The following C12orf42 variants were observed in gnomAD, a reference collection of about 807,000 sequenced individuals.
C12orf42 encodes uncharacterized protein C12orf42.
In C12orf42, 25 loss-of-function variants were observed where a neutral mutation model predicts 21.6. The ratio of observed to expected loss-of-function variants is 1.16; its 90% CI spans 0.84 to 1.62. The LOEUF (loss-of-function observed/expected upper bound fraction) is 1.62, where lower values mean the gene tolerates loss of function less well. Ranked by LOEUF, C12orf42 falls within the 40% of genes most tolerant of loss-of-function variation. The pLI is 0.00. For missense variants in C12orf42, 483 were observed against 459.3 expected (o/e 1.05, Z -0.47); for synonymous variants, 174 against 175.0 (o/e 0.99, Z 0.05).
intron 2 of C12orf42, among the ~76,000 whole-genome samples, chr12:103,439,792 A>G (rs1246312197): frequency 1.3e-5 from 2 of 151,056 alleles, no homozygotes; most frequent in African/African-American, 2.4e-5. Context: ...AAATAGGAAC[A>G]CTTTTACACT....
intron 4 of C12orf42, among the ~76,000 whole-genome samples, chr12:103,339,774 T>C (rs1168921203): frequency 6.6e-6 from 1 of 152,238 alleles, no homozygotes; most frequent in Non-Finnish European, 1.5e-5. Context: ...TTTTGTTATA[T>C]TTCATTTAGG....
At chr12:103,550,793 T>A in the C12orf42 span, 1 of 152,124 alleles carries the variant, frequency 6.6e-6, no homozygotes, top group Non-Finnish European at 1.5e-5. Context: ...GTAAATTATA[T>A]GTATCTTGCC....
the C12orf42 span, among the ~76,000 whole-genome samples, chr12:103,118,517 GGC>G: frequency 2.0e-5 from 3 of 152,162 alleles, no homozygotes; most frequent in East Asian, 5.8e-4. Flanking sequence ...ACTAGCTTTT[GGC>G]TGGGCGCGGT....
chr12:103,420,119 A>G (rs2049746777), intron 2 of C12orf42, among the ~76,000 whole-genome samples: 1 of 152,230 alleles, frequency 6.6e-6, no homozygotes. Context: ...CTTCATAGGC[A>G]TACTTTTACA....
chr12:103,079,879 AT>A, the C12orf42 span, among the ~76,000 whole-genome samples: 1 of 152,208 alleles, frequency 6.6e-6, no homozygotes, highest in African/African-American at 2.4e-5. Flanking sequence ...AAAGTTAGTC[AT>A]ATTGCTAACT....
At chr12:103,318,653 CTG>C (rs1406820640) in intron 4 of C12orf42, among the ~76,000 whole-genome samples, 2 of 152,166 alleles carry the variant, frequency 1.3e-5, no homozygotes, top group Non-Finnish European at 2.9e-5. Context: ...TGCTTACAAA[CTG>C]TATAATTGTG....
At chr12:103,466,015 T>A (rs11111593) in intron 2 of C12orf42, among the ~76,000 whole-genome samples, 31,814 of 152,042 alleles carry the variant, frequency 0.21, 3,813 homozygotes, top group East Asian at 0.34. Context: ...TTTATTGAGT[T>A]TTTTTGCATT....
chr12:103,308,379 C>T (rs546671351), intron 4 of C12orf42, among the ~76,000 whole-genome samples: 1 of 152,104 alleles, frequency 6.6e-6, no homozygotes, highest in Admixed American at 6.6e-5. Flanking sequence ...CTCTGGGTAA[C>T]TTCTATGTAA....
the C12orf42 span, among the ~76,000 whole-genome samples, chr12:103,123,488 A>G: frequency 6.6e-6 from 1 of 152,100 alleles, no homozygotes; most frequent in Admixed American, 6.6e-5. Context: ...GAGAAAGTAG[A>G]CCCTTACTCC....
chr12:103,384,463 A>G (rs1022780370), intron 3 of C12orf42, among the ~76,000 whole-genome samples: 1 of 152,242 alleles, frequency 6.6e-6, no homozygotes, highest in African/African-American at 2.4e-5. Context: ...AACCTTATCA[A>G]GTGATTTAGC....
intron 4 of C12orf42, among the ~76,000 whole-genome samples, chr12:103,323,574 T>C (rs1214802983): frequency 6.6e-6 from 1 of 152,156 alleles, no homozygotes; most frequent in African/African-American, 2.4e-5. Flanking sequence ...GTCAACACAA[T>C]AGCACAGTTA....
At chr12:103,254,372 A>C (rs548232375) in intron 10 of C12orf42, among the ~76,000 whole-genome samples, 1 of 152,334 alleles carries the variant, frequency 6.6e-6, no homozygotes, top group African/African-American at 2.4e-5. Flanking sequence ...ATTGGCCTGA[A>C]GTTTGCTCTT....
intron 3 of C12orf42, among the ~76,000 whole-genome samples, chr12:103,387,555 G>T (rs1013518375): frequency 6.6e-6 from 1 of 152,152 alleles, no homozygotes; most frequent in Non-Finnish European, 1.5e-5. Context: ...GAGTGGGTTG[G>T]CCTCAAGCCA....
chr12:103,143,939 G>A, the C12orf42 span, among the ~76,000 whole-genome samples: 2 of 152,068 alleles, frequency 1.3e-5, no homozygotes, highest in Non-Finnish European at 2.9e-5. Context: ...TACTACGACT[G>A]CTGCTAATCA....
intron 3 of C12orf42, among the ~76,000 whole-genome samples, chr12:103,377,455 C>T (rs1593696794): frequency 6.6e-6 from 1 of 151,970 alleles, no homozygotes; most frequent in African/African-American, 2.4e-5. Flanking sequence ...AGGCTTTCCC[C>T]TGGTATGTCC....
chr12:103,537,891 G>T, the C12orf42 span, among the ~76,000 whole-genome samples: 1 of 152,196 alleles, frequency 6.6e-6, no homozygotes, highest in South Asian at 2.1e-4. Context: ...AATTAAGCAT[G>T]AGGCAGTTTT....
the C12orf42 span, among the ~76,000 whole-genome samples, chr12:103,213,626 C>T: frequency 2.6e-5 from 4 of 152,318 alleles, no homozygotes; most frequent in African/African-American, 9.6e-5. Flanking sequence ...GATCTTCGTG[C>T]AGTTGTACCA....
the C12orf42 span, among the ~76,000 whole-genome samples, chr12:103,509,589 T>C: frequency 1.2e-4 from 18 of 152,322 alleles, no homozygotes; most frequent in African/African-American, 4.3e-4. Context: ...ATACTGCACA[T>C]GGTTATGCTG....
At chr12:103,394,228 C>T (rs915055288) in intron 3 of C12orf42, among the ~76,000 whole-genome samples, 1 of 152,192 alleles carries the variant, frequency 6.6e-6, no homozygotes, top group African/African-American at 2.4e-5. Context: ...ATGAGTTCTG[C>T]GCCATGTCAT....
Sources: gnomAD v4.1 joint callset for allele counts (sites outside exome capture counted in the v4.1 genomes callset) on GRCh38, gnomAD v4.1.1 for gene constraint, MANE v1.5 for transcripts, NCBI Gene and HGNC (gene_info 2026-07-23, HGNC 2026-07-21) for gene names.